The following NRXN3 variants were observed in gnomAD, a reference collection of about 807,000 sequenced individuals.
NRXN3 encodes the protein neurexin 3.
Under a neutral mutation model 137.6 loss-of-function variants are expected in NRXN3, and 32 were observed. The ratio of observed to expected loss-of-function variants is 0.23; its 90% confidence interval spans 0.18 to 0.31. NRXN3 has a LOEUF of 0.31. Among genes scored for constraint, NRXN3 ranks in the 10% least tolerant of loss-of-function variants. The probability of loss-of-function intolerance (pLI) is 1.00; values close to 1 mark genes in which losing one functional copy is unlikely to be tolerated. For missense variants in NRXN3, 1,574 were observed against 2,062.5 expected, an observed-to-expected ratio of 0.76 and a Z score of 4.59; for synonymous variants, 798 against 784.5, an observed-to-expected ratio of 1.02 and a Z score of -0.29.
intron 10 of NRXN3, among the ~76,000 whole-genome samples, chr14:78,833,840 A>T (rs1166851927): frequency 6.6e-6 from 1 of 152,148 alleles, no homozygotes; most frequent in African/African-American, 2.4e-5. Flanking sequence ...TGAAGTGAGG[A>T]ATCTTAGTGC....
At chr14:79,841,401 G>T (rs1234790117) in intron 20 of NRXN3, among the ~76,000 whole-genome samples, 1 of 152,156 alleles carries the variant, frequency 6.6e-6, no homozygotes, top group Non-Finnish European at 1.5e-5. Context: ...CCAGCACAAA[G>T]AAAACAGTCA....
chr14:78,640,412 T>C (rs1220603931), intron 4 of NRXN3, among the ~76,000 whole-genome samples: 1 of 152,150 alleles, frequency 6.6e-6, no homozygotes, highest in East Asian at 1.9e-4. Context: ...CCAGTTTGGG[T>C]TTTTAAGACA....
chr14:78,741,720 C>T (rs542213952), intron 8 of NRXN3, among the ~76,000 whole-genome samples: 10 of 152,248 alleles, frequency 6.6e-5, no homozygotes, highest in East Asian at 3.9e-4. Context: ...GTATACTGTA[C>T]GGTATTGTTA....
intron 4 of NRXN3, among the ~76,000 whole-genome samples, chr14:78,445,599 C>T (rs1379475607): frequency 6.6e-6 from 1 of 152,160 alleles, no homozygotes; most frequent in African/African-American, 2.4e-5. Context: ...GCCTTGAGCA[C>T]AGCTTTATTA....
At chr14:78,822,835 A>C (rs1246455038) in intron 10 of NRXN3, among the ~76,000 whole-genome samples, 1 of 152,116 alleles carries the variant, frequency 6.6e-6, no homozygotes, top group Non-Finnish European at 1.5e-5. Flanking sequence ...TGCCTCTGCC[A>C]CTTGTATGCT....
intron 15 of NRXN3, among the ~76,000 whole-genome samples, chr14:79,183,777 C>G (rs1323093449): frequency 6.6e-6 from 1 of 152,184 alleles, no homozygotes; most frequent in African/African-American, 2.4e-5. Flanking sequence ...ACCTGACAAG[C>G]TCTTGCATTC....
intron 10 of NRXN3, among the ~76,000 whole-genome samples, chr14:78,947,329 G>A (rs1000664235): frequency 6.6e-6 from 1 of 152,170 alleles, no homozygotes; most frequent in Non-Finnish European, 1.5e-5. Flanking sequence ...TTGTAGGAAG[G>A]AGATGCTGCA....
intron 4 of NRXN3, among the ~76,000 whole-genome samples, chr14:78,326,105 T>C (rs2080048835): frequency 1.3e-5 from 2 of 152,182 alleles, no homozygotes; most frequent in African/African-American, 4.8e-5. Context: ...TAAATACACA[T>C]CTGCAAGAAT....
At chr14:79,469,382 T>C (rs1267557807) in intron 16 of NRXN3, among the ~76,000 whole-genome samples, 1 of 152,200 alleles carries the variant, frequency 6.6e-6, no homozygotes, top group African/African-American at 2.4e-5. Context: ...CAGTATATTT[T>C]AATATACCAT....
At chr14:79,752,893 T>C (rs1401830768) in intron 19 of NRXN3, among the ~76,000 whole-genome samples, 1 of 151,984 alleles carries the variant, frequency 6.6e-6, no homozygotes, top group African/African-American at 2.4e-5. Context: ...AACAACCCCA[T>C]GGAAAAGTGG....
At chr14:79,520,428 A>G (rs1171004844) in intron 16 of NRXN3, among the ~76,000 whole-genome samples, 1 of 152,108 alleles carries the variant, frequency 6.6e-6, no homozygotes, top group African/African-American at 2.4e-5. Flanking sequence ...TATTTCACCT[A>G]ATGCTGTCCC....
Position 79,761,008 on chromosome 14 carries a change from G to T in NRXN3, c.4015-44104G>T, listed in dbSNP as rs930821263. On this transcript the variant is annotated intron_variant, in intron 19 of 20. Transcript: ENST00000335750. ...ATGAGCTCTATCCAATAGAGAAAAA[G>T]AACACATTTTAATACTTTGTGAAGT... Among the ~76,000 whole-genome samples the T allele has an allele frequency of 4.0e-5, 6 of 151,540 alleles. 2 individuals carry two copies. Among genetic ancestry groups the T allele is most frequent in the African/African-American group, 1.2e-4 (5 of 40,872 alleles).
intron 8 of NRXN3, among the ~76,000 whole-genome samples, chr14:78,762,379 G>A (rs1308425016): frequency 3.3e-5 from 5 of 152,166 alleles, no homozygotes; most frequent in Non-Finnish European, 7.4e-5. Flanking sequence ...GGGAACGGAC[G>A]AGCGTAGACT....
intron 10 of NRXN3, among the ~76,000 whole-genome samples, chr14:78,853,371 A>T (rs549456902): frequency 3.6e-4 from 55 of 152,146 alleles, no homozygotes; most frequent in African/African-American, 1.3e-3. Flanking sequence ...TACATTCTTT[A>T]TTCATTCATC....
In NRXN3 at chr14:78,966,332, C is replaced by T. The variant is rs777635816; in HGVS notation, c.2703C>T (p.Thr901=). The T allele has an allele frequency of 1.4e-5, 23 of 1,614,168 alleles. No individual in the cohort carries two copies. The highest frequency in any genetic ancestry group is 1.9e-5 in the Non-Finnish European group (22 of 1,180,020). Residue 901 remains threonine, a synonymous_variant, in exon 12 of 21, where the codon ACC becomes ACT. Coordinates refer to ENST00000335750, the MANE Select transcript of NRXN3 (RefSeq NM_001330195.2). ...TSMHLFFQFK[T]TSPDGFILFN... The stretch of plus-strand genomic sequence containing the variant: ...TGCACCTCTTCTTCCAGTTCAAGAC[C>T]ACCTCACCAGATGGCTTCATTCTCT...
intron 15 of NRXN3, among the ~76,000 whole-genome samples, chr14:79,428,587 A>G (rs1034327693): frequency 1.3e-5 from 2 of 152,090 alleles, no homozygotes; most frequent in Non-Finnish European, 2.9e-5. Context: ...TTTCTTACAT[A>G]TATTATATAT....
intron 15 of NRXN3, among the ~76,000 whole-genome samples, chr14:79,036,366 G>A (rs943915729): frequency 6.6e-6 from 1 of 151,954 alleles, no homozygotes; most frequent in Non-Finnish European, 1.5e-5. Context: ...TAAAACGAGA[G>A]TATGATAGAT....
intron 19 of NRXN3, among the ~76,000 whole-genome samples, chr14:79,796,002 T>C (rs1335319947): frequency 6.6e-6 from 1 of 152,162 alleles, no homozygotes; most frequent in East Asian, 1.9e-4. Flanking sequence ...ATTTCCCTTA[T>C]AATGGTTAGA....
At chr14:79,440,410 G>T (rs1600317983) in intron 15 of NRXN3, among the ~76,000 whole-genome samples, 1 of 152,276 alleles carries the variant, frequency 6.6e-6, no homozygotes, top group East Asian at 1.9e-4. Context: ...TGAACAGCAT[G>T]CCTGGAAAAT....
Sources: allele counts gnomAD v4.1 joint callset (sites outside exome capture counted in the v4.1 genomes callset), GRCh38; gene constraint gnomAD v4.1.1; transcripts MANE v1.5; gene names NCBI Gene and HGNC (gene_info 2026-07-23, HGNC 2026-07-21).